The following ZBBX variants were observed in gnomAD, a reference collection of about 807,000 sequenced individuals.
The protein encoded by ZBBX is zinc finger B-box domain-containing protein 1.
A neutral mutation model predicts 108.5 loss-of-function variants in ZBBX; 101 were observed. That is an observed-to-expected ratio of 0.93 (90% CI 0.79 to 1.10). The LOEUF (loss-of-function observed/expected upper bound fraction) is 1.10, where lower values mean the gene tolerates loss of function less well. Among genes scored for constraint, ZBBX ranks in the 50% least tolerant of loss-of-function variants. The pLI is 0.00. For missense variants in ZBBX, 1,009 were observed against 941.4 expected (o/e 1.07, Z -0.94); for synonymous variants, 356 against 323.4 (o/e 1.10, Z -1.08).
rs570607548 is a variant in ZBBX at position 167,243,562 on chromosome 3, C to A, written c.2255-919G>T. Reference sequence around the variant, plus strand: ...TATAGGCATGTGCCACCACACCCGGCTAATTTTGTATTTTTAGTAGAGACG... The same window carrying A: ...TATAGGCATGTGCCACCACACCCGGATAATTTTGTATTTTTAGTAGAGACG... On this transcript the variant is annotated intron_variant, in intron 20 of 21. Transcript: ENST00000675490. Among the ~76,000 whole-genome samples, 15 of 152,112 alleles carry A rather than the reference C, an allele frequency of 9.9e-5. No homozygotes were observed. The South Asian group carries it at 1.0e-3, about 11-fold the overall frequency.
At chr3:167,362,088 T>A (rs1401780465) in intron 6 of ZBBX, among the ~76,000 whole-genome samples, 1 of 152,018 alleles carries the variant, frequency 6.6e-6, no homozygotes, top group Non-Finnish European at 1.5e-5. Context: ...AGGGAAAGGG[T>A]TGGAGGTAGG....
chr3:167,279,717 T>C (rs1387185135), intron 20 of ZBBX, among the ~76,000 whole-genome samples: 1 of 151,894 alleles, frequency 6.6e-6, no homozygotes, highest in African/African-American at 2.4e-5. Flanking sequence ...AAGCTACCAA[T>C]GACTTTCTTC....
At chr3:167,314,148 AGTTG>A in intron 15 of ZBBX, 32 bp from the exon 16 acceptor site, 1 of 1,523,284 alleles carries the variant, frequency 6.6e-7, no homozygotes, top group Non-Finnish European at 8.8e-7. Flanking sequence ...AAAATAATAG[AGTTG>A]AAAAAATGAT....
chr3:167,231,810 A>G, the ZBBX span, among the ~76,000 whole-genome samples: 3 of 151,816 alleles, frequency 2.0e-5, no homozygotes, highest in Non-Finnish European at 4.4e-5. Context: ...AAGAAATTAG[A>G]TGTTTAACCT....
At position 167,282,305 on chromosome 3, in the gene ZBBX, A is replaced by C; in HGVS notation, c.2187T>G (p.Asp729Glu). The change falls in exon 20 of 22, where the codon GAT (aspartate) becomes GAG (glutamate). Residue 729 changes from aspartate (D) to glutamate (E), a missense_variant. Coordinates refer to ENST00000675490, the MANE Select transcript of ZBBX (RefSeq NM_001199201.2). ...DITDQNELSL[D>E]DTTDQHTLDN... ...CTAAAGTATGTTGATCAGTAGTGTC[A>C]TCTAAGGAAAGCTCATTCTGGTCAG... 6.2e-7 allele frequency: 1 copy of C among 1,614,026 alleles called. No homozygotes were observed. The highest frequency in any genetic ancestry group is 1.3e-5 in the African/African-American group (1 of 75,048).
chr3:167,282,289 G>T lies in ZBBX; in HGVS notation c.2203C>A (p.His735Asn). The T allele has an allele frequency of 6.2e-7, 1 of 1,613,866 alleles. No homozygotes were observed. The highest frequency in any genetic ancestry group is 8.5e-7 in the Non-Finnish European group (1 of 1,179,866). The change falls in exon 20 of 22, where the codon CAT (histidine) becomes AAT (asparagine). Residue 735 changes from histidine (H) to asparagine (N), a missense_variant. By Grantham distance (68) the His-to-Asn change is moderately conservative. Transcript: ENST00000675490. ...ELSLDDTTDQ[H>N]TLDNLEKELQ... ...TCTTTTTCCAAATTGTCTAAAGTAT[G>T]TTGATCAGTAGTGTCATCTAAGGAA...
rs568842617 is a variant in ZBBX at position 167,256,486 on chromosome 3, A to G, written c.2255-13843T>C. Among the ~76,000 whole-genome samples, 7 of 152,124 alleles carry G rather than the reference A, an allele frequency of 4.6e-5. No individual in the cohort carries two copies. In the South Asian group the frequency reaches 1.5e-3, roughly 32 times the overall value. On this transcript the variant is annotated intron_variant, in intron 20 of 21. Transcript: ENST00000675490. ...CAATAACATTCTTTAAGTTATTTTA[A>G]AATGTACAATTAAAGTTATTATTGA...
At chr3:167,349,572 T>C (rs1340652964) in intron 9 of ZBBX, among the ~76,000 whole-genome samples, 2 of 152,042 alleles carry the variant, frequency 1.3e-5, no homozygotes, top group South Asian at 2.1e-4. Flanking sequence ...TATTAGCATG[T>C]TCAGGTAAAC....
intron 18 of ZBBX, among the ~76,000 whole-genome samples, chr3:167,295,762 AAAAAC>A (rs1560086293): frequency 0.021 from 222 of 10,520 alleles, 4 homozygotes; most frequent in African/African-American, 0.027. Flanking sequence ...TATATATAAA[AAAAAC>A]TAGTAAGGAG....
the ZBBX span, among the ~76,000 whole-genome samples, chr3:167,227,881 T>G: frequency 2.0e-5 from 3 of 151,698 alleles, no homozygotes; most frequent in African/African-American, 4.8e-5. Flanking sequence ...TCCTGAATAT[T>G]AGGAACAAGG....
intron 12 of ZBBX, among the ~76,000 whole-genome samples, chr3:167,318,942 A>T (rs1398372289): frequency 6.6e-6 from 1 of 152,024 alleles, no homozygotes; most frequent in Non-Finnish European, 1.5e-5. Flanking sequence ...AAAGAAAAAA[A>T]AACTGAATAC....
chr3:167,367,428 G>A (rs1478980700), intron 5 of ZBBX, among the ~76,000 whole-genome samples: 1 of 151,700 alleles, frequency 6.6e-6, no homozygotes, highest in Non-Finnish European at 1.5e-5. Context: ...AAAAATAAAT[G>A]CTATTATATC....
intron 1 of ZBBX, among the ~76,000 whole-genome samples, chr3:167,387,634 C>A (rs545213904): frequency 6.6e-6 from 1 of 151,870 alleles, no homozygotes; most frequent in South Asian, 2.1e-4. Flanking sequence ...ACTCAAGAGA[C>A]GTGGAGAAAG....
the ZBBX span, among the ~76,000 whole-genome samples, chr3:167,184,827 A>G: frequency 6.6e-6 from 1 of 152,236 alleles, no homozygotes; most frequent in Non-Finnish European, 1.5e-5. Flanking sequence ...TGTGCATGCT[A>G]CACCTAAACA....
rs1553820652 is a variant in ZBBX at position 167,330,868 on chromosome 3, G to GAAAAGAAGAAGAAGAAGAAGAAGAAGA, written c.688-2753_688-2752insTCTTCTTCTTCTTCTTCTTCTTCTTTT. 1.4e-4 allele frequency among the ~76,000 whole-genome samples: 6 copies of GAAAAGAAGAAGAAGAAGAAGAAGAAGA among 43,344 alleles called. No homozygotes were observed. The South Asian group carries it at 7.1e-3, about 51-fold the overall frequency. 28.4% of individuals were successfully genotyped at this position (43,344 alleles called of 152,430 possible). A position where few individuals can be genotyped will look rare whatever the true frequency, so the allele number is the denominator to read the frequency against. Reference sequence around the variant, plus strand: ...AGAGGAGGAGGAGGAGGAGGAGGAGGAGGAGAAGAAGAAGAAGAAGAAGAA... The same window carrying GAAAAGAAGAAGAAGAAGAAGAAGAAGA: ...AGAGGAGGAGGAGGAGGAGGAGGAGGAAAAGAAGAAGAAGAAGAAGAAGAAGAAGGAGAAGAAGAAGAAGAAGAAGAA... On this transcript the variant is annotated intron_variant, in intron 10 of 21. Transcript: ENST00000675490.
intron 9 of ZBBX, among the ~76,000 whole-genome samples, chr3:167,339,756 C>T (rs1158702934): frequency 6.6e-6 from 1 of 152,044 alleles, no homozygotes; most frequent in Non-Finnish European, 1.5e-5. Flanking sequence ...CACCTCTCAA[C>T]CCATCATCTA....
chr3:167,315,862 G>A (rs777008128), intron 14 of ZBBX, 33 bp from the exon 15 acceptor site: 21 of 1,388,532 alleles, frequency 1.5e-5, no homozygotes, highest in Non-Finnish European at 2.1e-5. Flanking sequence ...ATATTAGTAA[G>A]TTCATAAAAA....
At chr3:167,188,578 T>A in the ZBBX span, among the ~76,000 whole-genome samples, 2,029 of 152,308 alleles carry the variant, frequency 0.013, 22 homozygotes, top group South Asian at 0.026. Flanking sequence ...TATCACCATG[T>A]TACTGAGAGT....
the ZBBX span, among the ~76,000 whole-genome samples, chr3:167,220,342 T>C: frequency 5.9e-5 from 9 of 152,022 alleles, no homozygotes; most frequent in East Asian, 1.6e-3. Flanking sequence ...CTCAACAAAA[T>C]ACTAACAAAC....
Sources: gnomAD v4.1 joint callset for allele counts (sites outside exome capture counted in the v4.1 genomes callset) on GRCh38, gnomAD v4.1.1 for gene constraint, MANE v1.5 for transcripts, NCBI Gene and HGNC (gene_info 2026-07-23, HGNC 2026-07-21) for gene names.